Variants in KCNH1 observed in about 807,000 individuals in gnomAD.
The protein encoded by KCNH1 is potassium voltage-gated channel subfamily H member 1, also known as voltage-gated delayed rectifier potassium channel KCNH1.
In KCNH1, 27 loss-of-function variants were observed where a neutral mutation model predicts 69.2. The ratio of observed to expected loss-of-function variants is 0.39; its 90% CI spans 0.29 to 0.54. The LOEUF (loss-of-function observed/expected upper bound fraction) is 0.54, where lower values mean the gene tolerates loss of function less well. Among genes scored for constraint, KCNH1 ranks in the 20% least tolerant of loss-of-function variants. The pLI is 0.68. For missense variants in KCNH1, 798 were observed against 1,261.6 expected, an observed-to-expected ratio of 0.63 and a Z score of 5.57; for synonymous variants, 456 against 487.7, an observed-to-expected ratio of 0.93 and a Z score of 0.86.
intron 7 of KCNH1, among the ~76,000 whole-genome samples, chr1:210,905,919 T>A (rs1687093037): frequency 6.6e-6 from 1 of 152,138 alleles, no homozygotes; most frequent in African/African-American, 2.4e-5. Context: ...AGAACTAGAA[T>A]TATTATTTTC....
chr1:210,986,797 G>A lies in KCNH1; in HGVS notation c.1032+31986C>T, dbSNP rs528337344. Among the ~76,000 whole-genome samples the A allele has an allele frequency of 2.6e-5, 4 of 152,216 alleles. No individual in the cohort carries two copies. In the East Asian group the frequency reaches 5.8e-4, roughly 22 times the overall value. ...TCTTCTCGAGGAGTATCTTTGCGGT[G>A]TTCTCTGTATTTCCTGAATTTGAAT... is the stretch of plus-strand genomic sequence containing the variant. On this transcript the variant is annotated intron_variant, in intron 6 of 10. Transcript: ENST00000271751.
intron 6 of KCNH1, among the ~76,000 whole-genome samples, chr1:210,957,899 T>A (rs894789462): frequency 6.6e-6 from 1 of 152,184 alleles, no homozygotes; most frequent in African/African-American, 2.4e-5. Context: ...AATTGGGGCA[T>A]TTAGCCCATT....
chr1:210,770,650 G>A lies in KCNH1; in HGVS notation c.2112+4698C>T, dbSNP rs113157452. Among the ~76,000 whole-genome samples the A allele has an allele frequency of 1.3e-3, 205 of 152,344 alleles. 1 individual carries two copies. The highest frequency in any genetic ancestry group is 4.7e-3 in the African/African-American group (194 of 41,586). Reference sequence around the variant, plus strand: ...CTACTTGCTGTGTGCCTGTCACTACGAGGGGGAAATTTGTCACATCTCCCA... The same window carrying A: ...CTACTTGCTGTGTGCCTGTCACTACAAGGGGGAAATTTGTCACATCTCCCA... On this transcript the variant is annotated intron_variant, in intron 10 of 10. Transcript: ENST00000271751.
rs185922289 is a variant in KCNH1 at position 210,837,171 on chromosome 1, C to A, written c.1463-33005G>T. Among the ~76,000 whole-genome samples the A allele has an allele frequency of 5.8e-4, 89 of 152,296 alleles. 1 individual carries two copies. Among genetic ancestry groups the A allele is most frequent in the African/African-American group, 2.0e-3 (84 of 41,556 alleles). ...AAGGTGTTTCTTCTGTCCAGAACAT[C>A]TTCCTATTCTCAGTCTGCAGTCTGG... On this transcript the variant is annotated intron_variant, in intron 7 of 10. Coordinates refer to ENST00000271751, the MANE Select transcript of KCNH1 (RefSeq NM_172362.3).
chr1:210,802,383 C>T (rs1173390965), intron 8 of KCNH1, among the ~76,000 whole-genome samples: 2 of 152,112 alleles, frequency 1.3e-5, no homozygotes, highest in South Asian at 2.1e-4. Flanking sequence ...TGTATTTTTA[C>T]GATCATGTTA....
Position 210,682,843 on chromosome 1 carries a change from G to C in KCNH1, c.*438C>G, listed in dbSNP as rs1681305936. The C allele has an allele frequency of 6.0e-6, 1 of 166,358 alleles. No homozygotes were observed. The highest frequency in any genetic ancestry group is 2.4e-5 in the African/African-American group (1 of 41,574). 10.3% of individuals were successfully genotyped at this position (166,358 alleles called of 1,614,324 possible). Reference sequence around the variant, plus strand: ...GGCTGTACAAGGACGGGGATGCCGGGAAGTCCTTGGCCCACTGCAGTCCAT... The same window carrying C: ...GGCTGTACAAGGACGGGGATGCCGGCAAGTCCTTGGCCCACTGCAGTCCAT... On this transcript the variant is annotated 3_prime_UTR_variant, in exon 11 of 11. Coordinates refer to ENST00000271751, the MANE Select transcript of KCNH1 (RefSeq NM_172362.3).
chr1:210,775,411 G>A lies in KCNH1; in HGVS notation c.2049C>T (p.Phe683=), dbSNP rs1450142257. The stretch of plus-strand genomic sequence containing the variant: ...AGAAGGAATGGGAGAAGGCCGTGTA[G>A]AATTCCAGCACTTTCTGCAGGGCAT... ...KRDALQKVLE[F]YTAFSHSFSR... Residue 683 remains phenylalanine, a synonymous_variant, in exon 10 of 11, where the codon TTC becomes TTT. Coordinates refer to ENST00000271751, the MANE Select transcript of KCNH1 (RefSeq NM_172362.3). The A allele has an allele frequency of 1.2e-6, 2 of 1,614,170 alleles. No homozygotes were observed. Among genetic ancestry groups the A allele is most frequent in the Admixed American group, 3.3e-5 (2 of 60,022 alleles).
chr1:211,116,986 G>T (rs1691594094), intron 1 of KCNH1, among the ~76,000 whole-genome samples: 1 of 152,134 alleles, frequency 6.6e-6, no homozygotes, highest in African/African-American at 2.4e-5. Flanking sequence ...GAGTAAAATG[G>T]GCTCCAGCAC....
At chr1:210,985,263 T>A (rs866568062) in intron 6 of KCNH1, among the ~76,000 whole-genome samples, 3 of 152,170 alleles carry the variant, frequency 2.0e-5, no homozygotes, top group Non-Finnish European at 1.5e-5. Flanking sequence ...TTTGAAGGGT[T>A]TTTTGTGTCT....
At chr1:210,899,268 T>G (rs1324889117) in intron 7 of KCNH1, among the ~76,000 whole-genome samples, 1 of 152,196 alleles carries the variant, frequency 6.6e-6, no homozygotes, top group African/African-American at 2.4e-5. Flanking sequence ...ATGGGCTGAA[T>G]ACAGATGTAG....
At chr1:210,908,963 A>T (rs1479079604) in intron 7 of KCNH1, among the ~76,000 whole-genome samples, 1 of 152,096 alleles carries the variant, frequency 6.6e-6, no homozygotes, top group East Asian at 1.9e-4. Flanking sequence ...TCCTACCAAG[A>T]CTTCTCTCCT....
chr1:211,082,940 C>A, intron 4 of KCNH1, 42 bp from the exon 5 acceptor site: 1 of 1,494,594 alleles, frequency 6.7e-7, no homozygotes, highest in South Asian at 1.2e-5. Flanking sequence ...TCAACCACAT[C>A]CCAAAGGTGC....
chr1:210,981,181 T>C (rs1688702410), intron 6 of KCNH1, among the ~76,000 whole-genome samples: 3 of 151,952 alleles, frequency 2.0e-5, no homozygotes, highest in African/African-American at 7.3e-5. Context: ...TTTCAGTATA[T>C]TTAGGTCAGA....
intron 7 of KCNH1, among the ~76,000 whole-genome samples, chr1:210,907,447 G>A (rs1687124633): frequency 6.6e-6 from 1 of 152,004 alleles, no homozygotes; most frequent in Admixed American, 6.6e-5. Context: ...TTCTGCATGA[G>A]GAGAAGGAAA....
At chr1:210,989,740 G>A (rs1688905964) in intron 6 of KCNH1, among the ~76,000 whole-genome samples, 1 of 152,146 alleles carries the variant, frequency 6.6e-6, no homozygotes, top group African/African-American at 2.4e-5. Context: ...ATAATCTATA[G>A]GTATCGAGAT....
Position 210,779,186 on chromosome 1 carries a change from G to A in KCNH1, c.1916-3642C>T, listed in dbSNP as rs1304206515. Among the ~76,000 whole-genome samples the A allele has an allele frequency of 3.3e-5, 5 of 152,320 alleles. No individual in the cohort carries two copies. The East Asian group carries it at 5.8e-4, about 18-fold the overall frequency. ...ACAGTAAGATAATCATGATTAATCTGTAGGGTCTAAGAGTCTCAGTATTGT... is the reference window on the plus strand; with the variant it reads ...ACAGTAAGATAATCATGATTAATCTATAGGGTCTAAGAGTCTCAGTATTGT... On this transcript the variant is annotated intron_variant, in intron 9 of 10. Transcript: ENST00000271751.
rs1681288169 is a variant in KCNH1, at chr1:210,682,303, A to ACATAG, written c.*973_*977dup. On this transcript the variant is annotated 3_prime_UTR_variant, in exon 11 of 11. Coordinates refer to ENST00000271751, the MANE Select transcript of KCNH1 (RefSeq NM_172362.3). ...AATCCCAATGAGAATCAAAGTATAA[A>ACATAG]CATAGCACTTGCTACAGTTCTGAGG... is the stretch of plus-strand genomic sequence containing the variant. 1 of 152,180 alleles carries ACATAG rather than the reference A, an allele frequency of 6.6e-6. No homozygotes were observed. The highest frequency in any genetic ancestry group is 1.5e-5 in the Non-Finnish European group (1 of 68,052). 9.4% of individuals were successfully genotyped at this position (152,180 alleles called of 1,614,324 possible).
intron 7 of KCNH1, among the ~76,000 whole-genome samples, chr1:210,843,891 T>C (rs983769180): frequency 6.6e-6 from 1 of 152,174 alleles, no homozygotes; most frequent in African/African-American, 2.4e-5. Flanking sequence ...AGCTGCCTTG[T>C]CCAGGTGAAT....
chr1:211,080,181 A>G (rs1184721046), intron 5 of KCNH1, among the ~76,000 whole-genome samples: 1 of 152,210 alleles, frequency 6.6e-6, no homozygotes, highest in Non-Finnish European at 1.5e-5. Context: ...ATAATAGACA[A>G]ACAGAGAGCC....
Sources: allele counts gnomAD v4.1 joint callset (sites outside exome capture counted in the v4.1 genomes callset), GRCh38; gene constraint gnomAD v4.1.1; transcripts MANE v1.5; gene names NCBI Gene and HGNC (gene_info 2026-07-23, HGNC 2026-07-21).